The following PCDHA8 variants were observed in gnomAD, a reference collection of about 807,000 sequenced individuals.
PCDHA8 encodes the protein protocadherin alpha-8.
A neutral mutation model predicts 61.8 loss-of-function variants in PCDHA8; 53 were observed. The ratio of observed to expected loss-of-function variants is 0.86; its 90% confidence interval spans 0.69 to 1.08. The LOEUF is 1.08. PCDHA8 is among the 50% of genes least tolerant of loss of function. The probability of loss-of-function intolerance (pLI) is 0.00; values close to 1 mark genes in which losing one functional copy is unlikely to be tolerated. For missense variants in PCDHA8, 1,293 were observed against 1,245.0 expected (o/e 1.04, Z -0.58); for synonymous variants, 618 against 556.6 (o/e 1.11, Z -1.55).
chr5:140,842,023 T>C lies in PCDHA8; in HGVS notation c.702T>C (p.Asp234=), dbSNP rs1777651230. ...TTCAGCTGCTGGTCACAGTGCTGGA[T>C]GTGAATGATAATGCTCCCACTTTCG... ...GTVQLLVTVL[D]VNDNAPTFEQ... The change falls in exon 1 of 4, where the codon GAT becomes GAC. Residue 234 remains aspartate (D), a synonymous_variant. Transcript: ENST00000531613. 6.2e-7 allele frequency: 1 copy of C among 1,613,718 alleles called. No homozygotes were observed. Among genetic ancestry groups the C allele is most frequent in the Non-Finnish European group, 8.5e-7 (1 of 1,179,822 alleles).
rs1038140347 is a variant in PCDHA8 at position 140,928,220 on chromosome 5, C to T, written c.2395-50729C>T. On this transcript the variant is annotated intron_variant, in intron 1 of 3. Transcript: ENST00000531613. ...GTTGCTGATGTGAATGACAATACAC[C>T]AAACTTTCCTCAACCCCAGCAGGAA... The T allele has an allele frequency of 2.5e-6, 4 of 1,614,048 alleles. No individual in the cohort carries two copies. The Admixed American group carries it at 5.0e-5, about 20-fold the overall frequency.
intron 1 of PCDHA8, among the ~76,000 whole-genome samples, chr5:140,885,388 A>G (rs1187514037): frequency 2.0e-5 from 3 of 152,166 alleles, no homozygotes; most frequent in Admixed American, 2.0e-4. Context: ...CAGTCCCTGC[A>G]AATCTAATGG....
intron 1 of PCDHA8, chr5:140,876,299 A>G: frequency 1.2e-6 from 2 of 1,614,062 alleles, no homozygotes; most frequent in South Asian, 2.2e-5. Context: ...CTTAATGGAG[A>G]AATTTCCTAT....
rs529382424 is a variant in PCDHA8 at position 140,924,810 on chromosome 5, G to A, written c.2395-54139G>A. 4.8e-4 allele frequency among the ~76,000 whole-genome samples: 73 copies of A among 151,660 alleles called. No homozygotes were observed. The South Asian group carries it at 9.2e-3, about 19-fold the overall frequency. ...CTTAGGAGGCTGAGGCAAGAGAATC[G>A]CTTGAACCTGGGAGGGGGAGGTTGC... On this transcript the variant is annotated intron_variant, in intron 1 of 3. Transcript: ENST00000531613.
At chr5:140,927,964 G>A in intron 1 of PCDHA8, 1 of 1,614,230 alleles carries the variant, frequency 6.2e-7, no homozygotes, top group South Asian at 1.1e-5. Context: ...CCCTGGCACA[G>A]TGATTGCTCT....
chr5:140,903,121 C>A (rs2070010801), intron 1 of PCDHA8, among the ~76,000 whole-genome samples: 2 of 152,188 alleles, frequency 1.3e-5, no homozygotes, highest in Non-Finnish European at 2.9e-5. Flanking sequence ...ACTTCTAAAT[C>A]TTTAAGAAAT....
intron 1 of PCDHA8, chr5:140,848,977 A>T (rs2150427682): frequency 1.2e-6 from 2 of 1,600,464 alleles, no homozygotes; most frequent in South Asian, 1.1e-5. Flanking sequence ...TCCGATGCAG[A>T]TATCGGGGAG....
intron 1 of PCDHA8, among the ~76,000 whole-genome samples, chr5:140,935,722 G>A (rs1230672751): frequency 6.6e-6 from 1 of 152,006 alleles, no homozygotes; most frequent in Non-Finnish European, 1.5e-5. Context: ...TATATTTAGA[G>A]AAGTCTAGTA....
Position 140,885,836 on chromosome 5 carries a change from C to T in PCDHA8, c.2394+42121C>T, listed in dbSNP as rs186775413. On this transcript the variant is annotated intron_variant, in intron 1 of 3. Transcript: ENST00000531613. ...TGTATTTGATCTTCTTTGATTTATC[C>T]ATTAAGTTATTTGCCTACTTTTCTA... Among the ~76,000 whole-genome samples the T allele has an allele frequency of 3.1e-3, 470 of 152,032 alleles. 3 individuals are homozygous for T. Among genetic ancestry groups the T allele is most frequent in the Middle Eastern group, 0.014 (4 of 294 alleles).
At chr5:140,883,504 C>G in intron 1 of PCDHA8, 1 of 1,614,172 alleles carries the variant, frequency 6.2e-7, no homozygotes, top group East Asian at 2.2e-5. Context: ...TGGACAGCGC[C>G]CTGGACCGCG....
intron 1 of PCDHA8, among the ~76,000 whole-genome samples, chr5:140,954,400 A>G (rs1349668578): frequency 6.6e-6 from 1 of 152,214 alleles, no homozygotes; most frequent in East Asian, 1.9e-4. Context: ...CAACCCCACC[A>G]ACAGGGTAAA....
intron 1 of PCDHA8, chr5:140,928,901 T>A (rs781842258): frequency 6.2e-7 from 1 of 1,614,212 alleles, no homozygotes. Flanking sequence ...TTTGAAGATG[T>A]CTGGGAACCA....
chr5:140,872,867 A>G (rs549673745), intron 1 of PCDHA8, among the ~76,000 whole-genome samples: 37 of 152,332 alleles, frequency 2.4e-4, no homozygotes, highest in African/African-American at 8.7e-4. Flanking sequence ...CCTACTGACA[A>G]TTATCAGTTT....
At chr5:140,853,031 A>G (rs2150527488) in intron 1 of PCDHA8, 7 of 259,886 alleles carry the variant, frequency 2.7e-5, no homozygotes, top group Non-Finnish European at 4.4e-5. Flanking sequence ...GGCGCCTGCC[A>G]CCATGCCCGC....
chr5:140,988,560 T>C (rs1184536302), intron 3 of PCDHA8, among the ~76,000 whole-genome samples: 3 of 152,138 alleles, frequency 2.0e-5, no homozygotes, highest in Admixed American at 2.0e-4. Context: ...CATCTTCTTC[T>C]TGGGAAAACA....
intron 1 of PCDHA8, chr5:140,863,140 C>T: frequency 1.6e-6 from 1 of 606,732 alleles, no homozygotes; most frequent in Non-Finnish European, 3.2e-6. Flanking sequence ...CCTGCTGGTG[C>T]TGGTGAAGGA....
chr5:140,945,701 CA>C (rs1563215722), intron 1 of PCDHA8, among the ~76,000 whole-genome samples: 1 of 151,988 alleles, frequency 6.6e-6, no homozygotes, highest in Non-Finnish European at 1.5e-5. Context: ...CACTGATTTG[CA>C]ACAAAAGTAT....
intron 1 of PCDHA8, chr5:140,928,283 T>C (rs782493603): frequency 4.3e-6 from 7 of 1,614,178 alleles, no homozygotes; most frequent in Non-Finnish European, 5.1e-6. Flanking sequence ...GGGGCCTCTC[T>C]AGGCCGAGTG....
At position 141,010,202 on chromosome 5, in the gene PCDHA8, G is replaced by C; in HGVS notation, c.*265G>C. 6.4e-7 allele frequency: 1 copy of C among 1,551,944 alleles called. No homozygotes were observed. The highest frequency in any genetic ancestry group is 8.7e-7 in the Non-Finnish European group (1 of 1,147,050). The stretch of plus-strand genomic sequence containing the variant: ...CAGACCCAAGTTTCCTTTCTCCTCC[G>C]CCGCAAAGGAGAGGCTTCCCAGCCC... On this transcript the variant is annotated 3_prime_UTR_variant, in exon 4 of 4. Coordinates refer to ENST00000531613, the MANE Select transcript of PCDHA8 (RefSeq NM_018911.3).
Sources: allele counts gnomAD v4.1 joint callset (sites outside exome capture counted in the v4.1 genomes callset), GRCh38; gene constraint gnomAD v4.1.1; transcripts MANE v1.5; gene names NCBI Gene and HGNC (gene_info 2026-07-23, HGNC 2026-07-21).